The following CCDC154 variants were observed in gnomAD, a reference collection of about 807,000 sequenced individuals.
The protein encoded by CCDC154 is coiled-coil domain-containing protein 154.
Under a neutral mutation model 87.5 loss-of-function variants are expected in CCDC154, and 91 were observed. The observed-to-expected ratio is 1.04, with a 90% CI of 0.88 to 1.24. The LOEUF is 1.24. CCDC154 is among the 50% of genes most tolerant of loss of function. CCDC154 has a pLI of 0.00. For missense variants in CCDC154, 903 were observed against 879.2 expected (o/e 1.03, Z -0.34); for synonymous variants, 418 against 400.4 (o/e 1.04, Z -0.52).
chr16:1,438,293 A>C lies in CCDC154; in HGVS notation c.1026-117T>G, dbSNP rs560909112. 679 of 1,297,620 alleles carry C rather than the reference A, an allele frequency of 5.2e-4. 7 individuals are homozygous for C. In the Middle Eastern group the frequency reaches 9.2e-3, roughly 18 times the overall value. The allele number at this position is 1,297,620 out of a possible 1,614,324, so 80.4% of individuals were successfully genotyped here. A position where few individuals can be genotyped will look rare whatever the true frequency, so the allele number is the denominator to read the frequency against. On this transcript the variant is annotated intron_variant, in intron 9 of 16. Transcript: ENST00000389176. Reference sequence around the variant, plus strand: ...ACCTCCCAGGAGACCCTGGGATCGGAAGATGGGGTGCGGTCACAGTGCCAC... The same window carrying C: ...ACCTCCCAGGAGACCCTGGGATCGGCAGATGGGGTGCGGTCACAGTGCCAC...
rs1567256312 is a variant in CCDC154 at position 1,434,737 on chromosome 16, A to G, written c.1808T>C (p.Val603Ala). ...KALPSLVRPRVFIKDMAPGKV... is the reference protein window; with the variant it reads ...KALPSLVRPRAFIKDMAPGKV... ...GCCAGGCGCCATGTCCTTGATGAAG[A>G]CCCGCGGCCTCACCAGGGATGGGAG... is the stretch of plus-strand genomic sequence containing the variant. The change falls in exon 16 of 17, where the codon GTC (valine) becomes GCC (alanine). Residue 603 changes from valine (V) to alanine (A), a missense_variant. Physicochemically the swap from Val to Ala is moderately conservative, Grantham distance 64 (BLOSUM62 0). Coordinates refer to ENST00000389176, the MANE Select transcript of CCDC154 (RefSeq NM_001143980.3). The G allele has an allele frequency of 6.5e-7, 1 of 1,545,998 alleles. No homozygotes were observed. Among genetic ancestry groups the G allele is most frequent in the Non-Finnish European group, 8.7e-7 (1 of 1,146,780 alleles).
At chr16:1,435,920 T>C (rs2142350541) in intron 14 of CCDC154, 49 bp downstream of exon 14, 1 of 1,473,704 alleles carries the variant, frequency 6.8e-7, no homozygotes, top group Middle Eastern at 1.7e-4. Flanking sequence ...CGTCTGAACC[T>C]GATGGCTCCC....
chr16:1,440,018 C>G lies in CCDC154; in HGVS notation c.676-892G>C, dbSNP rs545571920. 1.4e-4 allele frequency among the ~76,000 whole-genome samples: 22 copies of G among 151,982 alleles called. No individual in the cohort carries two copies. The East Asian group carries it at 4.1e-3, about 28-fold the overall frequency. ...ACAGAAAGTAGCCAGACATGGACAG[C>G]TGTCTGTAATCCCAGCTACTCTGGA... On this transcript the variant is annotated intron_variant, in intron 6 of 16. Transcript: ENST00000389176.
chr16:1,443,225 G>T (rs112357662), intron 4 of CCDC154, 36 bp downstream of exon 4: 8 of 1,544,500 alleles, frequency 5.2e-6, no homozygotes, highest in Non-Finnish European at 7.0e-6. Flanking sequence ...CCACCTCCCC[G>T]CCCTGGGCCT....
intron 9 of CCDC154, 105 bp downstream of exon 9, chr16:1,438,514 G>A: frequency 9.2e-7 from 1 of 1,090,430 alleles, no homozygotes; most frequent in Admixed American, 2.1e-5. Flanking sequence ...CTCTGCTCGG[G>A]GGAGGCAAGG....
chr16:1,438,931 A>G lies in CCDC154; in HGVS notation c.790T>C (p.Ser264Pro), dbSNP rs989811489. ...TCCAGCTTCAGCCGTGAGCTCTCCG[A>G]GGCCTTCATTCTCTGTGGGGAGACC... ...FLALEKRMKA[S>P]ESSRLKLEGS... Residue 264 changes from serine to proline, a missense_variant, in exon 8 of 17, where the codon TCG becomes CCG. Physicochemically the swap from Ser to Pro is moderately conservative, Grantham distance 74 (BLOSUM62 -1). Transcript: ENST00000389176. 5.8e-6 allele frequency: 9 copies of G among 1,549,204 alleles called. No homozygotes were observed. The highest frequency in any genetic ancestry group is 7.0e-6 in the Non-Finnish European group (8 of 1,146,460).
At chr16:1,438,408 G>A (rs1185604863) in intron 9 of CCDC154, 3 of 727,716 alleles carry the variant, frequency 4.1e-6, no homozygotes, top group African/African-American at 1.8e-5. Context: ...GGCCACAGCT[G>A]AGTGCCCCAG....
At chr16:1,438,978 C>G in intron 7 of CCDC154, 35 bp from the exon 8 acceptor site, 1 of 1,549,376 alleles carries the variant, frequency 6.5e-7, no homozygotes, top group Non-Finnish European at 8.7e-7. Context: ...TGCAGGTCTG[C>G]GTCTGGGAAG....
chr16:1,444,123 A>G, intron 1 of CCDC154, 111 bp from the exon 2 acceptor site: 3 of 1,022,920 alleles, frequency 2.9e-6, no homozygotes, highest in Non-Finnish European at 3.9e-6. Context: ...CCAGAGCTCA[A>G]CGCGTCTCCT....
At chr16:1,437,660 C>T (rs1436218189) in intron 11 of CCDC154, 157 bp downstream of exon 11, 4 of 906,076 alleles carry the variant, frequency 4.4e-6, no homozygotes, top group Non-Finnish European at 6.3e-6. Context: ...GTCTCTGGGG[C>T]TCGGGGTCTC....
chr16:1,442,657 A>G, intron 5 of CCDC154, 128 bp from the exon 6 acceptor site: 1 of 1,189,244 alleles, frequency 8.4e-7, no homozygotes, highest in Non-Finnish European at 1.1e-6. Flanking sequence ...AAAACAGAGG[A>G]ATGGGAAACA....
In CCDC154 at chr16:1,438,740, G is replaced by A; in HGVS notation, c.907-3C>T. ...CACTGCTCCAGGAGGTGGCTCTCCTGCCAGGGGGTGGAGGCCGCCCTGAGA... is the reference window on the plus strand; with the variant it reads ...CACTGCTCCAGGAGGTGGCTCTCCTACCAGGGGGTGGAGGCCGCCCTGAGA... On this transcript the variant is annotated splice_polypyrimidine_tract_variant and splice_region_variant and intron_variant, in intron 8 of 16. Transcript: ENST00000389176. 6.5e-7 allele frequency: 1 copy of A among 1,549,184 alleles called. No individual in the cohort carries two copies.
At chr16:1,436,851 G>C (rs745386614) in intron 11 of CCDC154, 40 bp from the exon 12 acceptor site, 3 of 1,548,462 alleles carry the variant, frequency 1.9e-6, no homozygotes, top group Admixed American at 2.0e-5. Context: ...AGCCAAGAGA[G>C]GGGGGACAGA....
Position 1,436,514 on chromosome 16 carries a change from C to A in CCDC154, c.1418G>T (p.Ser473Ile). 6.5e-7 allele frequency: 1 copy of A among 1,548,932 alleles called. No homozygotes were observed. The highest frequency in any genetic ancestry group is 8.7e-7 in the Non-Finnish European group (1 of 1,146,914). Residue 473 changes from serine (S) to isoleucine (I), a missense_variant, in exon 13 of 17, where the codon AGT (serine) becomes ATT (isoleucine). Ser to Ile is a moderately radical substitution (Grantham distance 142). Coordinates refer to ENST00000389176, the MANE Select transcript of CCDC154 (RefSeq NM_001143980.3). Reference sequence around the variant, plus strand: ...ATGAAGCAGGCACTTGTCGGAGACACTCTCTATCTGAACACAGAGCCGGGA... The same window carrying A: ...ATGAAGCAGGCACTTGTCGGAGACAATCTCTATCTGAACACAGAGCCGGGA... ...KVDGLPQQIESVSDKCLLHKS... is the reference protein window; with the variant it reads ...KVDGLPQQIEIVSDKCLLHKS...
At chr16:1,436,225 G>T in intron 13 of CCDC154, 139 bp from the exon 14 acceptor site, 1 of 838,862 alleles carries the variant, frequency 1.2e-6, no homozygotes, top group Non-Finnish European at 1.8e-6. Context: ...CTCCAGTGGG[G>T]AAGGTGGGGG....
At position 1,434,455 on chromosome 16, in the gene CCDC154, G is replaced by C; in HGVS notation, c.1957C>G (p.Gln653Glu). 1 of 1,550,334 alleles carries C rather than the reference G, an allele frequency of 6.5e-7. No individual in the cohort carries two copies. The highest frequency in any genetic ancestry group is 8.7e-7 in the Non-Finnish European group (1 of 1,146,878). Residue 653 changes from glutamine (Q) to glutamate (E), a missense_variant, in exon 17 of 17, where the codon CAG (glutamine) becomes GAG (glutamate). Gln to Glu is a conservative substitution (Grantham distance 29). Transcript: ENST00000389176. Reference sequence around the variant, plus strand: ...GGTGTGAGCTGCTGCACCTGCTCCTGGCTGTGGGGCTTCTCCAGGACCCCT... The same window carrying C: ...GGTGTGAGCTGCTGCACCTGCTCCTCGCTGTGGGGCTTCTCCAGGACCCCT... ...PGGVLEKPHS[Q>E]EQVQQLTPSL...
intron 4 of CCDC154, 34 bp from the exon 5 acceptor site, chr16:1,443,009 G>C: frequency 6.5e-7 from 1 of 1,548,514 alleles, no homozygotes; most frequent in Middle Eastern, 1.7e-4. Flanking sequence ...GAGAGGCCCA[G>C]GCGGGCTGAG....
At chr16:1,440,722 G>A (rs2142354995) in intron 6 of CCDC154, among the ~76,000 whole-genome samples, 1 of 152,024 alleles carries the variant, frequency 6.6e-6, no homozygotes, top group South Asian at 2.1e-4. Context: ...AGGCCGAGAT[G>A]GGCAGATCAC....
chr16:1,441,959 G>A (rs2038555977), intron 6 of CCDC154, among the ~76,000 whole-genome samples: 1 of 151,844 alleles, frequency 6.6e-6, no homozygotes, highest in Non-Finnish European at 1.5e-5. Flanking sequence ...GTCTCACTCT[G>A]TCACCAGGCT....
Sources: gnomAD v4.1 joint callset for allele counts (sites outside exome capture counted in the v4.1 genomes callset) on GRCh38, gnomAD v4.1.1 for gene constraint, MANE v1.5 for transcripts, NCBI Gene and HGNC (gene_info 2026-07-23, HGNC 2026-07-21) for gene names.